TANC2: variants seen among roughly 807,000 people sequenced by gnomAD.
TANC2 encodes tetratricopeptide repeat, ankyrin repeat and coiled-coil containing 2.
In TANC2, 26 loss-of-function variants were observed where a neutral mutation model predicts 210.5. The observed-to-expected ratio is 0.12, with a 90% CI of 0.09 to 0.17. The LOEUF (loss-of-function observed/expected upper bound fraction) is 0.17. Among genes scored for constraint, TANC2 ranks in the 10% least tolerant of loss-of-function variants. TANC2 has a pLI of 1.00. For synonymous variants in TANC2, 931 were observed against 967.1 expected (o/e 0.96, Z 0.69); for missense variants, 2,129 against 2,608.9 (o/e 0.82, Z 4.01).
At chr17:63,396,039 C>T (rs939686206) in intron 18 of TANC2, 111 bp downstream of exon 18, 211 of 968,562 alleles carry the variant, frequency 2.2e-4, no homozygotes, top group Non-Finnish European at 2.9e-4. Flanking sequence ...AATGTGAATT[C>T]GTGATCGCTG....
chr17:63,358,370 A>ATGTGT (rs1567949646), intron 14 of TANC2, among the ~76,000 whole-genome samples: 10 of 127,996 alleles, frequency 7.8e-5, no homozygotes, highest in African/African-American at 2.9e-4. Context: ...AGAGAGAGAG[A>ATGTGT]GAGAGAGTAT....
chr17:63,076,210 C>G (rs2036567165), intron 3 of TANC2, among the ~76,000 whole-genome samples: 1 of 152,088 alleles, frequency 6.6e-6, no homozygotes, highest in Admixed American at 6.5e-5. Context: ...CACCCCTAAC[C>G]AAAAGCAAAA....
At chr17:63,298,020 C>A (rs2044590361) in intron 9 of TANC2, among the ~76,000 whole-genome samples, 2 of 151,894 alleles carry the variant, frequency 1.3e-5, no homozygotes, top group African/African-American at 4.8e-5. Context: ...TTTACACCCC[C>A]TAGGATGGCT....
At chr17:63,153,175 A>G (rs2039715553) in intron 5 of TANC2, 1 of 152,164 alleles carries the variant, frequency 6.6e-6, no homozygotes, top group South Asian at 2.1e-4. Context: ...CAATAACCAA[A>G]TGAATTGATG....
At chr17:63,224,813 G>A (rs938325142) in intron 7 of TANC2, among the ~76,000 whole-genome samples, 4 of 152,118 alleles carry the variant, frequency 2.6e-5, no homozygotes, top group Non-Finnish European at 5.9e-5. Flanking sequence ...TTGGTCTTAT[G>A]TGGTAGTCCC....
intron 12 of TANC2, among the ~76,000 whole-genome samples, chr17:63,343,951 G>C (rs1290460731): frequency 6.6e-6 from 1 of 152,096 alleles, no homozygotes; most frequent in Non-Finnish European, 1.5e-5. Context: ...AAATAAAGGA[G>C]AACATCCACA....
At chr17:63,333,283 A>G (rs1171137070) in intron 11 of TANC2, among the ~76,000 whole-genome samples, 1 of 152,240 alleles carries the variant, frequency 6.6e-6, no homozygotes, top group Non-Finnish European at 1.5e-5. Context: ...TCTATGATTC[A>G]TAGGAGGTCA....
intron 9 of TANC2, among the ~76,000 whole-genome samples, chr17:63,283,773 T>C (rs529259546): frequency 6.6e-6 from 1 of 152,158 alleles, no homozygotes; most frequent in East Asian, 1.9e-4. Flanking sequence ...TTTAGCTTAA[T>C]TTCTAATTGT....
At chr17:63,033,393 C>T (rs2034850700) in intron 2 of TANC2, among the ~76,000 whole-genome samples, 1 of 152,134 alleles carries the variant, frequency 6.6e-6, no homozygotes, top group Non-Finnish European at 1.5e-5. Flanking sequence ...ATCTCATTAA[C>T]ATACAAAAAG....
At chr17:63,265,765 C>T (rs1164222564) in intron 8 of TANC2, among the ~76,000 whole-genome samples, 2 of 151,716 alleles carry the variant, frequency 1.3e-5, no homozygotes, top group Non-Finnish European at 2.9e-5. Context: ...ATGCATTTCT[C>T]TTAAGAGACT....
chr17:63,205,588 T>C (rs2145833187), intron 7 of TANC2, among the ~76,000 whole-genome samples: 1 of 152,042 alleles, frequency 6.6e-6, no homozygotes, highest in South Asian at 2.1e-4. Flanking sequence ...TTTAAAACTT[T>C]TGTGCATCAA....
chr17:63,313,793 T>G (rs918678901), intron 9 of TANC2, among the ~76,000 whole-genome samples: 1 of 152,204 alleles, frequency 6.6e-6, no homozygotes, highest in Admixed American at 6.5e-5. Flanking sequence ...ACTATTCTCA[T>G]TGGTGTTTTT....
chr17:63,149,720 A>G (rs971761114), intron 4 of TANC2: 1 of 152,174 alleles, frequency 6.6e-6, no homozygotes, highest in Non-Finnish European at 1.5e-5. Context: ...ATTGGCTATT[A>G]GTAGCCTGCA....
At chr17:63,328,116 C>T (rs187102223) in intron 11 of TANC2, among the ~76,000 whole-genome samples, 1 of 152,068 alleles carries the variant, frequency 6.6e-6, no homozygotes, top group Admixed American at 6.5e-5. Flanking sequence ...CATGTTCTTG[C>T]TAATAAATGG....
chr17:63,139,848 G>A (rs1173635692), intron 4 of TANC2, among the ~76,000 whole-genome samples: 7 of 152,154 alleles, frequency 4.6e-5, no homozygotes, highest in African/African-American at 1.4e-4. Flanking sequence ...AGGCTGCAGC[G>A]AGCTGTGATC....
chr17:63,137,749 T>C (rs1386400812), intron 4 of TANC2, among the ~76,000 whole-genome samples: 1 of 152,216 alleles, frequency 6.6e-6, no homozygotes, highest in Non-Finnish European at 1.5e-5. Flanking sequence ...TTCTAGGCAT[T>C]GTAATATAAA....
At chr17:63,356,213 T>A (rs1243823646) in intron 14 of TANC2, among the ~76,000 whole-genome samples, 4 of 152,186 alleles carry the variant, frequency 2.6e-5, no homozygotes, top group Non-Finnish European at 5.9e-5. Context: ...CCCTTTTTAT[T>A]GCATGAAACC....
chr17:63,402,905 T>C (rs2048386264), intron 19 of TANC2, among the ~76,000 whole-genome samples: 1 of 152,256 alleles, frequency 6.6e-6, no homozygotes, highest in African/African-American at 2.4e-5. Context: ...TCTTGGATTT[T>C]GAAAAGCCCA....
chr17:63,389,519 T>A (rs1348029811), exon 17 of TANC2: 1 of 1,610,752 alleles, frequency 6.2e-7, no homozygotes. Flanking sequence ...AGCATTGTGG[T>A]GCTGCTGTGC....
Sources: allele counts gnomAD v4.1 joint callset (sites outside exome capture counted in the v4.1 genomes callset), GRCh38; gene constraint gnomAD v4.1.1; transcripts MANE v1.5; gene names NCBI Gene and HGNC (gene_info 2026-07-23, HGNC 2026-07-21).